Variants in FBXL20 observed in about 807,000 individuals in gnomAD.
FBXL20 encodes the protein F-box/LRR-repeat protein 20.
Under a neutral mutation model 64.0 loss-of-function variants are expected in FBXL20, and 11 were observed. That is an observed-to-expected ratio of 0.17 (90% CI 0.11 to 0.28). The LOEUF is 0.28. FBXL20 is among the 10% of genes least tolerant of loss of function. The pLI is 1.00. For missense variants in FBXL20, 303 were observed against 526.2 expected, an observed-to-expected ratio of 0.58 and a Z score of 4.15; for synonymous variants, 184 against 189.0, an observed-to-expected ratio of 0.97 and a Z score of 0.22.
chr17:39,400,529 G>A (rs1402496672), intron 1 of FBXL20, among the ~76,000 whole-genome samples: 1 of 152,082 alleles, frequency 6.6e-6, no homozygotes, highest in Non-Finnish European at 1.5e-5. Context: ...GACCCTCAAG[G>A]AACCTTCCAG....
chr17:39,268,523 T>C (rs1050099951), intron 12 of FBXL20, among the ~76,000 whole-genome samples: 2 of 152,134 alleles, frequency 1.3e-5, no homozygotes, highest in African/African-American at 4.8e-5. Flanking sequence ...GTGATGGGGC[T>C]TTAATTATTT....
chr17:39,401,824 CGCG>C, upstream of FBXL20: 1 of 633,314 alleles, frequency 1.6e-6, no homozygotes, highest in Non-Finnish European at 2.1e-6. Context: ...GCAGCCGGTG[CGCG>C]GCGGCGGCAC....
At chr17:39,390,969 C>T (rs2048128153) in intron 1 of FBXL20, among the ~76,000 whole-genome samples, 1 of 152,010 alleles carries the variant, frequency 6.6e-6, no homozygotes, top group Non-Finnish European at 1.5e-5. Context: ...CTGCTTGAAC[C>T]CAGGCAGAGG....
At chr17:39,355,594 G>A (rs964491773) in intron 1 of FBXL20, among the ~76,000 whole-genome samples, 18 of 151,664 alleles carry the variant, frequency 1.2e-4, no homozygotes, top group South Asian at 4.2e-4. Flanking sequence ...GGTGGCTCAC[G>A]CCTGTAATCC....
At chr17:39,325,235 AC>A (rs2047398899) in intron 2 of FBXL20, among the ~76,000 whole-genome samples, 1 of 152,160 alleles carries the variant, frequency 6.6e-6, no homozygotes, top group Non-Finnish European at 1.5e-5. Flanking sequence ...CATTCCTCAG[AC>A]AAAACTCTTG....
intron 1 of FBXL20, among the ~76,000 whole-genome samples, chr17:39,349,947 A>C (rs181635509): frequency 1.1e-4 from 17 of 152,052 alleles, no homozygotes; most frequent in Admixed American, 7.2e-4. Context: ...AAAAAAAAAA[A>C]AAAAGATGCA....
intron 1 of FBXL20, among the ~76,000 whole-genome samples, chr17:39,363,187 T>C (rs994291009): frequency 6.6e-6 from 1 of 151,838 alleles, no homozygotes; most frequent in African/African-American, 2.4e-5. Context: ...ATTTTTTTTG[T>C]ATTTTTAGTA....
At position 39,254,083 on chromosome 17, in the gene FBXL20, TTC is replaced by T. The variant is rs2046673830; in HGVS notation, c.*7375_*7376del. On this transcript the variant is annotated 3_prime_UTR_variant, in exon 15 of 15. Coordinates refer to ENST00000264658, the MANE Select transcript of FBXL20 (RefSeq NM_032875.3). ...TAGTGAAGCAAAGTTTTCTTTTCTT[TTC>T]TCTTTTTTGTGAGATGGAGTCTCAC... is the stretch of plus-strand genomic sequence containing the variant. The T allele has an allele frequency of 6.6e-6, 1 of 152,252 alleles. No homozygotes were observed. The highest frequency in any genetic ancestry group is 1.5e-5 in the Non-Finnish European group (1 of 68,054). The allele number at this position is 152,252 out of a possible 1,614,324, so 9.4% of individuals were successfully genotyped here.
At chr17:39,293,598 G>T (rs778474243) in intron 6 of FBXL20, among the ~76,000 whole-genome samples, 19 of 152,176 alleles carry the variant, frequency 1.2e-4, no homozygotes, top group Admixed American at 1.2e-3. Context: ...CCACCAAGGT[G>T]TAATCTTTCT....
At chr17:39,332,536 CTTTTTTTTTTTT>C (rs58827473) in intron 2 of FBXL20, among the ~76,000 whole-genome samples, 72 of 96,950 alleles carry the variant, frequency 7.4e-4, no homozygotes, top group Middle Eastern at 5.7e-3. Context: ...TTCTTTGTAT[CTTTTTTTTTTTT>C]TTTTTTTTTT....
chr17:39,335,899 G>C (rs538570511), intron 2 of FBXL20, among the ~76,000 whole-genome samples: 1 of 152,034 alleles, frequency 6.6e-6, no homozygotes, highest in Non-Finnish European at 1.5e-5. Flanking sequence ...CTAATACTTC[G>C]TGAGGCTAAG....
intron 2 of FBXL20, among the ~76,000 whole-genome samples, chr17:39,311,150 G>C (rs1462316236): frequency 6.6e-6 from 1 of 152,072 alleles, no homozygotes; most frequent in Non-Finnish European, 1.5e-5. Flanking sequence ...CTGGACAACA[G>C]AGTAAGCCTG....
At chr17:39,297,907 T>G (rs988997719) in intron 5 of FBXL20, among the ~76,000 whole-genome samples, 5 of 151,972 alleles carry the variant, frequency 3.3e-5, no homozygotes, top group Admixed American at 3.3e-4. Flanking sequence ...AACTAAGTTT[T>G]TGTATTTTTA....
intron 1 of FBXL20, among the ~76,000 whole-genome samples, chr17:39,387,435 A>G (rs1394513811): frequency 6.6e-6 from 1 of 151,856 alleles, no homozygotes; most frequent in African/African-American, 2.4e-5. Flanking sequence ...GCCTGCCACC[A>G]TACCTGGCTA....
rs186273280 is a variant in FBXL20 at position 39,255,882 on chromosome 17, T to G, written c.*5578A>C. 2.0e-5 allele frequency: 3 copies of G among 152,104 alleles called. No homozygotes were observed. In the East Asian group the frequency reaches 5.8e-4, roughly 29 times the overall value. 9.4% of individuals were successfully genotyped at this position (152,104 alleles called of 1,614,324 possible). On this transcript the variant is annotated 3_prime_UTR_variant, in exon 15 of 15. Coordinates refer to ENST00000264658, the MANE Select transcript of FBXL20 (RefSeq NM_032875.3). ...AGGCAAGGTTAGTAACCTAGTAACC[T>G]ATGTTCTTTGCTGGAGAATCAAAAT...
chr17:39,383,174 A>G (rs1345384738), intron 1 of FBXL20, among the ~76,000 whole-genome samples: 1 of 151,738 alleles, frequency 6.6e-6, no homozygotes, highest in Non-Finnish European at 1.5e-5. Context: ...AAAAAAAAAA[A>G]AAAAAGAAAA....
At chr17:39,309,527 CAG>C (rs1170144545) in intron 2 of FBXL20, among the ~76,000 whole-genome samples, 3 of 151,996 alleles carry the variant, frequency 2.0e-5, no homozygotes, top group South Asian at 2.1e-4. Context: ...TATTTAGAGA[CAG>C]AGTTTTTGCT....
intron 2 of FBXL20, among the ~76,000 whole-genome samples, chr17:39,320,990 A>C (rs1462763562): frequency 6.6e-6 from 1 of 152,158 alleles, no homozygotes; most frequent in Admixed American, 6.5e-5. Context: ...TTATGATTGC[A>C]TTTGCTAAGT....
upstream of FBXL20, chr17:39,401,714 G>A (rs2048247309): frequency 2.7e-6 from 3 of 1,115,214 alleles, no homozygotes; most frequent in African/African-American, 1.7e-5. Flanking sequence ...GGGCCTCGGA[G>A]CGCCCGGGAG....
Sources: allele counts gnomAD v4.1 joint callset (sites outside exome capture counted in the v4.1 genomes callset), GRCh38; gene constraint gnomAD v4.1.1; transcripts MANE v1.5; gene names NCBI Gene and HGNC (gene_info 2026-07-23, HGNC 2026-07-21).